Variants in GLG1 observed in about 807,000 individuals in gnomAD.
GLG1 encodes the protein golgi glycoprotein 1, also known as Golgi apparatus protein 1.
A neutral mutation model predicts 160.5 loss-of-function variants in GLG1; 38 were observed. The ratio of observed to expected loss-of-function variants is 0.24; its 90% confidence interval spans 0.18 to 0.31. The LOEUF (loss-of-function observed/expected upper bound fraction) is 0.31. GLG1 is among the 10% of genes least tolerant of loss of function. The pLI is 1.00. For synonymous variants in GLG1, 644 were observed against 543.4 expected (o/e 1.19, Z -2.57); for missense variants, 1,373 against 1,505.2 (o/e 0.91, Z 1.45).
intron 2 of GLG1, among the ~76,000 whole-genome samples, chr16:74,519,027 C>T (rs2017071844): frequency 6.6e-6 from 1 of 152,166 alleles, no homozygotes; most frequent in African/African-American, 2.4e-5. Context: ...GATAAAGACA[C>T]ATGCACATGT....
Position 74,592,406 on chromosome 16 carries a change from A to G in GLG1, c.438+14251T>C, listed in dbSNP as rs117190868. 4.2e-4 allele frequency among the ~76,000 whole-genome samples: 64 copies of G among 152,280 alleles called. 1 individual carries two copies. The East Asian group carries it at 0.012, about 29-fold the overall frequency. On this transcript the variant is annotated intron_variant, in intron 1 of 25. Coordinates refer to ENST00000422840, the MANE Select transcript of GLG1 (RefSeq NM_001145667.2). ...TGATCCACCCGCCTTGGCCTCCCCA[A>G]GTGCTGAGAGCCACTGCACCCGGAC...
At chr16:74,591,381 C>A (rs2143864093) in intron 1 of GLG1, among the ~76,000 whole-genome samples, 1 of 151,054 alleles carries the variant, frequency 6.6e-6, no homozygotes, top group East Asian at 2.0e-4. Context: ...GTAATCCCAG[C>A]ACTTTGGGAG....
intron 11 of GLG1, among the ~76,000 whole-genome samples, chr16:74,479,934 C>G (rs2015536797): frequency 6.6e-6 from 1 of 152,008 alleles, no homozygotes; most frequent in Non-Finnish European, 1.5e-5. Context: ...ATCCTTAAAC[C>G]TAAATAAAGT....
chr16:74,591,741 T>G (rs1177312638), intron 1 of GLG1, among the ~76,000 whole-genome samples: 2 of 152,212 alleles, frequency 1.3e-5, no homozygotes, highest in African/African-American at 4.8e-5. Flanking sequence ...AGAGAAATGT[T>G]CCAACCTGGG....
Position 74,459,665 on chromosome 16 carries a change from A to G in GLG1, c.3144+17T>C, listed in dbSNP as rs571566025. On this transcript the variant is annotated intron_variant, in intron 23 of 25. Coordinates refer to ENST00000422840, the MANE Select transcript of GLG1 (RefSeq NM_001145667.2). ...AAAAAAGAAATGAAGTGAGGAAAAGAAGGTGACGGTGGTTACCTTTTTACA... is the reference window on the plus strand; with the variant it reads ...AAAAAAGAAATGAAGTGAGGAAAAGGAGGTGACGGTGGTTACCTTTTTACA... 4.2e-6 allele frequency: 5 copies of G among 1,202,034 alleles called. No homozygotes were observed. The highest frequency in any genetic ancestry group is 6.1e-6 in the Non-Finnish European group (5 of 819,946). The allele number at this position is 1,202,034 out of a possible 1,614,324, so 74.5% of individuals were successfully genotyped here. A position where few individuals can be genotyped will look rare whatever the true frequency, so the allele number is the denominator to read the frequency against.
rs560167640 is a variant in GLG1, at chr16:74,452,692, G to A, written c.*475C>T. On this transcript the variant is annotated 3_prime_UTR_variant, in exon 26 of 26. Transcript: ENST00000422840. The stretch of plus-strand genomic sequence containing the variant: ...TCAGTCATGGCACACTGGGTGGTGT[G>A]CTTCCCCTCCAAGTCCTGTCTTTGT... 3 of 993,022 alleles carry A rather than the reference G, an allele frequency of 3.0e-6. No individual in the cohort carries two copies. Among genetic ancestry groups the A allele is most frequent in the East Asian group, 1.1e-4 (1 of 9,184 alleles). The allele number at this position is 993,022 out of a possible 1,614,324, so 61.5% of individuals were successfully genotyped here. A position where few individuals can be genotyped will look rare whatever the true frequency, so the allele number is the denominator to read the frequency against.
intron 3 of GLG1, among the ~76,000 whole-genome samples, chr16:74,504,200 G>C (rs2016515809): frequency 6.6e-6 from 1 of 152,162 alleles, no homozygotes; most frequent in Non-Finnish European, 1.5e-5. Context: ...CCTAAGCCAA[G>C]CTACACAGAA....
chr16:74,486,611 G>C (rs1477305731), intron 8 of GLG1, among the ~76,000 whole-genome samples: 1 of 152,138 alleles, frequency 6.6e-6, no homozygotes, highest in Non-Finnish European at 1.5e-5. Flanking sequence ...TGGAACAAAG[G>C]AAAGACAGGA....
At chr16:74,587,577 C>T (rs1007164977) in intron 1 of GLG1, among the ~76,000 whole-genome samples, 1 of 152,168 alleles carries the variant, frequency 6.6e-6, no homozygotes. Flanking sequence ...GGACCTCAAA[C>T]AGCTATTACG....
At chr16:74,569,909 G>T (rs1465868561) in intron 1 of GLG1, among the ~76,000 whole-genome samples, 1 of 149,338 alleles carries the variant, frequency 6.7e-6, no homozygotes, top group African/African-American at 2.5e-5. Flanking sequence ...TTGGCCGGGC[G>T]CAATGGCTCA....
At chr16:74,482,936 C>G in intron 10 of GLG1, 87 bp downstream of exon 10, 1 of 786,866 alleles carries the variant, frequency 1.3e-6, no homozygotes, top group Non-Finnish European at 2.2e-6. Context: ...GAGTTTCCTA[C>G]TGATTATTTT....
At position 74,598,093 on chromosome 16, in the gene GLG1, G is replaced by A. The variant is rs561919958; in HGVS notation, c.438+8564C>T. Among the ~76,000 whole-genome samples, 6 of 152,182 alleles carry A rather than the reference G, an allele frequency of 3.9e-5. No individual in the cohort carries two copies. In the East Asian group the frequency reaches 9.6e-4, roughly 24 times the overall value. Reference sequence around the variant, plus strand: ...CTCTCATAAGATTAAATGAGATAACGCCTAGAAAGCATCCAGTCCCTCAGA... The same window carrying A: ...CTCTCATAAGATTAAATGAGATAACACCTAGAAAGCATCCAGTCCCTCAGA... On this transcript the variant is annotated intron_variant, in intron 1 of 25. Coordinates refer to ENST00000422840, the MANE Select transcript of GLG1 (RefSeq NM_001145667.2).
At chr16:74,601,492 C>CA (rs1394456204) in intron 1 of GLG1, among the ~76,000 whole-genome samples, 1 of 151,838 alleles carries the variant, frequency 6.6e-6, no homozygotes, top group Non-Finnish European at 1.5e-5. Flanking sequence ...AAAATGCTTA[C>CA]AGTCATTTGT....
chr16:74,492,547 G>A lies in GLG1; in HGVS notation c.1234+410C>T, dbSNP rs192804310. Among the ~76,000 whole-genome samples, 854 of 151,490 alleles carry A rather than the reference G, an allele frequency of 5.6e-3. 8 individuals carry two copies. Among genetic ancestry groups the A allele is most frequent in the African/African-American group, 0.019 (805 of 41,328 alleles). On this transcript the variant is annotated intron_variant, in intron 7 of 25. Transcript: ENST00000422840. ...AAAAAAAAAAAAAATTGCTAGGTGC[G>A]GTGGCTCACACCTATAATCCAAGCA...
chr16:74,499,727 G>A (rs570609113), intron 4 of GLG1, among the ~76,000 whole-genome samples: 7 of 152,294 alleles, frequency 4.6e-5, no homozygotes, highest in African/African-American at 1.4e-4. Flanking sequence ...CTTCTGGCTG[G>A]GCACGGTGGC....
chr16:74,574,252 C>T (rs984298222), intron 1 of GLG1, among the ~76,000 whole-genome samples: 2 of 152,190 alleles, frequency 1.3e-5, no homozygotes, highest in African/African-American at 4.8e-5. Context: ...AGAGGGTGTT[C>T]ACAGTTGCAA....
At chr16:74,509,519 A>C (rs1311250105) in intron 2 of GLG1, among the ~76,000 whole-genome samples, 2 of 151,934 alleles carry the variant, frequency 1.3e-5, no homozygotes, top group East Asian at 3.9e-4. Flanking sequence ...CCCAGGTTCT[A>C]GTTTCTAGGC....
chr16:74,569,189 G>A (rs1254557533), intron 1 of GLG1, among the ~76,000 whole-genome samples: 2 of 152,210 alleles, frequency 1.3e-5, no homozygotes, highest in Non-Finnish European at 2.9e-5. Context: ...TCTGAGCACA[G>A]ATTTGTACTG....
At chr16:74,504,153 T>A (rs2016514317) in intron 3 of GLG1, among the ~76,000 whole-genome samples, 1 of 152,120 alleles carries the variant, frequency 6.6e-6, no homozygotes, top group Non-Finnish European at 1.5e-5. Context: ...GAGGAAGATT[T>A]GACAAACAGG....
Sources: allele counts gnomAD v4.1 joint callset (sites outside exome capture counted in the v4.1 genomes callset), GRCh38; gene constraint gnomAD v4.1.1; transcripts MANE v1.5; gene names NCBI Gene and HGNC (gene_info 2026-07-23, HGNC 2026-07-21).